The following EMID1 variants were observed in gnomAD, a reference collection of about 807,000 sequenced individuals.
EMID1 encodes EMI domain-containing protein 1.
Under a neutral mutation model 60.6 loss-of-function variants are expected in EMID1, and 40 were observed. The ratio of observed to expected loss-of-function variants is 0.66; its 90% confidence interval spans 0.51 to 0.86. The LOEUF is 0.86. EMID1 is among the 40% of genes least tolerant of loss of function. The pLI is 0.00. For missense variants in EMID1, 585 were observed against 597.1 expected (o/e 0.98, Z 0.21); for synonymous variants, 242 against 231.0 (o/e 1.05, Z -0.43).
At chr22:29,254,469 C>T (rs909794) in intron 14 of EMID1, 182 bp downstream of exon 14, 389,378 of 616,476 alleles carry the variant, frequency 0.63, 126,893 homozygotes, top group African/African-American at 0.71. Flanking sequence ...CCCTCCTCCA[C>T]GGGTGCAGGG....
chr22:29,230,994 C>T (rs376926329), intron 5 of EMID1, 26 bp from the exon 6 acceptor site: 2 of 1,604,982 alleles, frequency 1.2e-6, no homozygotes, highest in South Asian at 2.2e-5. Context: ...CCCTGGTACC[C>T]ACCCCGTCCC....
At chr22:29,207,636 A>G (rs545423070) in intron 1 of EMID1, among the ~76,000 whole-genome samples, 2 of 152,338 alleles carry the variant, frequency 1.3e-5, no homozygotes, top group East Asian at 3.9e-4. Context: ...GATGATGGCT[A>G]TAACCAGGTA....
At chr22:29,213,197 G>A (rs1378500429) in intron 1 of EMID1, among the ~76,000 whole-genome samples, 1 of 152,154 alleles carries the variant, frequency 6.6e-6, no homozygotes, top group Admixed American at 6.5e-5. Flanking sequence ...TGATAGCTGG[G>A]TCTCAGGTCA....
chr22:29,253,089 G>C (rs1371163997), intron 13 of EMID1, among the ~76,000 whole-genome samples: 2 of 152,214 alleles, frequency 1.3e-5, no homozygotes, highest in Non-Finnish European at 2.9e-5. Context: ...TAGGCTTTCA[G>C]TACATTCCTC....
rs752171621 is a variant in EMID1, at chr22:29,258,788, G to A, written c.1205-29G>A. On this transcript the variant is annotated intron_variant, in intron 14 of 14. Coordinates refer to ENST00000334018, the MANE Select transcript of EMID1 (RefSeq NM_133455.4). ...GGCACCTCACATGAACCCCTCTAAT[G>A]TGGCCTCTCTCCTTCTTCCCTCCGG... The A allele has an allele frequency of 1.9e-6, 3 of 1,612,432 alleles. No individual in the cohort carries two copies. The East Asian group carries it at 6.7e-5, about 36-fold the overall frequency.
intron 12 of EMID1, among the ~76,000 whole-genome samples, chr22:29,236,978 G>A (rs2040974109): frequency 6.6e-6 from 1 of 151,400 alleles, no homozygotes; most frequent in African/African-American, 2.4e-5. Flanking sequence ...TGTATTTTTA[G>A]TAGAGATGGG....
At chr22:29,215,713 AAG>A in intron 3 of EMID1, 83 bp downstream of exon 3, 1 of 1,100,892 alleles carries the variant, frequency 9.1e-7, no homozygotes, top group South Asian at 1.3e-5. Context: ...GTGAACTATT[AAG>A]AGAGTCATGC....
chr22:29,230,144 C>G (rs770899642), intron 5 of EMID1, among the ~76,000 whole-genome samples: 12 of 152,046 alleles, frequency 7.9e-5, no homozygotes, highest in Non-Finnish European at 1.6e-4. Flanking sequence ...ACCAGCCTGG[C>G]CAATGTGGTC....
intron 14 of EMID1, chr22:29,255,247 C>A: frequency 7.1e-7 from 1 of 1,405,726 alleles, no homozygotes; most frequent in South Asian, 1.6e-5. Flanking sequence ...CTCGCACCGT[C>A]TGCTCTTCTC....
At chr22:29,227,087 T>G (rs2040543153) in intron 5 of EMID1, among the ~76,000 whole-genome samples, 1 of 152,078 alleles carries the variant, frequency 6.6e-6, no homozygotes. Flanking sequence ...AAATGTTGTG[T>G]ATTTTTTGTT....
intron 4 of EMID1, among the ~76,000 whole-genome samples, chr22:29,225,979 G>A (rs754611328): frequency 5.3e-5 from 8 of 152,128 alleles, no homozygotes; most frequent in Non-Finnish European, 8.8e-5. Context: ...TCCAGACTGC[G>A]CTGGGTGGGT....
intron 3 of EMID1, 143 bp downstream of exon 3, chr22:29,215,773 ACAGT>A: frequency 2.9e-6 from 2 of 683,766 alleles, no homozygotes; most frequent in East Asian, 5.5e-5. Context: ...TGGCTCAGAC[ACAGT>A]CAGTGCTTGT....
chr22:29,224,635 G>A (rs1029897101), intron 3 of EMID1, among the ~76,000 whole-genome samples: 3 of 152,230 alleles, frequency 2.0e-5, no homozygotes, highest in Admixed American at 6.5e-5. Context: ...CGACAGCCAC[G>A]GCGGCCATTT....
At chr22:29,250,106 A>G (rs4820800) in intron 13 of EMID1, among the ~76,000 whole-genome samples, 68,160 of 151,976 alleles carry the variant, frequency 0.45, 15,741 homozygotes, top group Middle Eastern at 0.58. Flanking sequence ...TTTGTTTTCA[A>G]TTAGCTGGGT....
intron 12 of EMID1, 22 bp downstream of exon 12, chr22:29,234,371 G>T (rs374796546): frequency 1.9e-6 from 3 of 1,611,178 alleles, no homozygotes; most frequent in South Asian, 2.2e-5. Context: ...TGTCTGTCCC[G>T]CATTCATCCC....
rs150742947 is a variant in EMID1 at position 29,257,066 on chromosome 22, A to T, written c.1205-1751A>T. On this transcript the variant is annotated intron_variant, in intron 14 of 14. Transcript: ENST00000334018. The stretch of plus-strand genomic sequence containing the variant: ...CTAGAAGGGACACATTTGAGCCACC[A>T]TGTCCCTGGATCTGTCCCTGCCTTC... Among the ~76,000 whole-genome samples the T allele has an allele frequency of 7.5e-3, 1,149 of 152,256 alleles. 15 individuals are homozygous for T. Among genetic ancestry groups the T allele is most frequent in the African/African-American group, 0.026 (1,094 of 41,544 alleles).
At position 29,226,468 on chromosome 22, in the gene EMID1, C is replaced by T. The variant is rs1200878710; in HGVS notation, c.404-22C>T. 24 of 1,610,576 alleles carry T rather than the reference C, an allele frequency of 1.5e-5. No individual in the cohort carries two copies. The East Asian group carries it at 5.4e-4, about 36-fold the overall frequency. On this transcript the variant is annotated intron_variant, in intron 4 of 14. Coordinates refer to ENST00000334018, the MANE Select transcript of EMID1 (RefSeq NM_133455.4). ...AAGCCTAGGACCCTTGGCCCTGGCC[C>T]CAGCTTCCTCCCTCCCCGCAGGTTG...
chr22:29,221,424 G>C (rs966891669), intron 3 of EMID1, among the ~76,000 whole-genome samples: 5 of 152,184 alleles, frequency 3.3e-5, no homozygotes, highest in Non-Finnish European at 5.9e-5. Context: ...GCCCAGGCTG[G>C]AGTGCAGTGG....
intron 14 of EMID1, chr22:29,254,705 A>C (rs1602063679): frequency 9.9e-6 from 2 of 202,258 alleles, no homozygotes; most frequent in East Asian, 2.5e-4. Context: ...AGCTCAGGAC[A>C]ACAGGAGGAT....
Sources: gnomAD v4.1 joint callset for allele counts (sites outside exome capture counted in the v4.1 genomes callset) on GRCh38, gnomAD v4.1.1 for gene constraint, MANE v1.5 for transcripts, NCBI Gene and HGNC (gene_info 2026-07-23, HGNC 2026-07-21) for gene names.